WDR44: variants seen among roughly 807,000 people sequenced by gnomAD.
The protein encoded by WDR44 is WD repeat domain 44.
In WDR44, 9 loss-of-function variants were observed where a neutral mutation model predicts 65.7. That is an observed-to-expected ratio of 0.14 (90% CI 0.08 to 0.24). The LOEUF is 0.24. Ranked by LOEUF, WDR44 falls within the 10% of genes least tolerant of loss-of-function variation. The pLI is 1.00. For synonymous variants in WDR44, 220 were observed against 235.2 expected, an observed-to-expected ratio of 0.94 and a Z score of 0.59; for missense variants, 425 against 670.9, an observed-to-expected ratio of 0.63 and a Z score of 4.05.
chrX:118,349,690 T>G (rs1172314460), intron 1 of WDR44, among the ~76,000 whole-genome samples: 4 of 110,776 alleles, frequency 3.6e-5, no homozygotes, highest in African/African-American at 1.3e-4. Context: ...CCTGAGTAGC[T>G]GGGACTACAG....
At chrX:118,352,175 G>T (rs1388783696) in intron 1 of WDR44, among the ~76,000 whole-genome samples, 1 of 97,482 alleles carries the variant, frequency 1.0e-5, no homozygotes, top group Admixed American at 1.1e-4. Context: ...TTGAGACAGG[G>T]TCTCACTCTG....
chrX:118,441,848 C>G (rs1602979658), intron 15 of WDR44, among the ~76,000 whole-genome samples: 1 of 111,846 alleles, frequency 8.9e-6, no homozygotes, highest in Non-Finnish European at 1.9e-5. Flanking sequence ...TCAAGTGATT[C>G]TTGTGCCTCA....
chrX:118,375,451 G>C (rs868805970), intron 1 of WDR44, among the ~76,000 whole-genome samples: 1 of 107,176 alleles, frequency 9.3e-6, no homozygotes, highest in Middle Eastern at 4.8e-3. Context: ...GGAGGCTGAG[G>C]TGGGAGGATC....
chrX:118,408,430 C>T (rs2056986291), intron 10 of WDR44, among the ~76,000 whole-genome samples: 1 of 108,657 alleles, frequency 9.2e-6, no homozygotes, highest in Non-Finnish European at 1.9e-5. Context: ...CAGAGTCTCG[C>T]TCTGTCACCC....
chrX:118,376,117 T>G lies in WDR44; in HGVS notation c.78-2302T>G, dbSNP rs1406847423. On this transcript the variant is annotated intron_variant, in intron 1 of 19. Transcript: ENST00000254029. Reference sequence around the variant, plus strand: ...CATGCCTGGCTGGTTTATTTTTATTTTGTAGAGATGGGGTGTCACTATATT... The same window carrying G: ...CATGCCTGGCTGGTTTATTTTTATTGTGTAGAGATGGGGTGTCACTATATT... 2.7e-5 allele frequency among the ~76,000 whole-genome samples: 3 copies of G among 110,668 alleles called. No homozygotes were observed. In the East Asian group the frequency reaches 8.5e-4, roughly 31 times the overall value.
At chrX:118,429,942 C>T (rs957154983) in intron 12 of WDR44, among the ~76,000 whole-genome samples, 36 of 110,427 alleles carry the variant, frequency 3.3e-4, no homozygotes, top group Non-Finnish European at 5.7e-4. Flanking sequence ...CACGCCTGGC[C>T]GAATTACTGT....
chrX:118,387,427 C>T lies in WDR44; in HGVS notation c.186+13C>T. The T allele has an allele frequency of 8.9e-7, 1 of 1,129,496 alleles. No homozygotes were observed. Among genetic ancestry groups the T allele is most frequent in the Non-Finnish European group, 1.2e-6 (1 of 832,771 alleles). 93.1% of individuals were successfully genotyped at this position (1,129,496 alleles called of 1,213,427 possible). ...TGTGTCTAAAAAGGTTGGAAAGATA[C>T]AATGTCAATATTAGTTTATAGCAGA... On this transcript the variant is annotated intron_variant, in intron 3 of 19. Coordinates refer to ENST00000254029, the MANE Select transcript of WDR44 (RefSeq NM_019045.5).
At chrX:118,447,105 C>A in intron 19 of WDR44, 1 of 324,681 alleles carries the variant, frequency 3.1e-6, no homozygotes, top group South Asian at 2.7e-5. Flanking sequence ...GAACTTCTAG[C>A]CTCAAAAAGG....
rs1569362857 is a variant in WDR44, at chrX:118,378,736, T to TGTGTG, written c.111+285_111+286insTGTGG. 1.8e-3 allele frequency among the ~76,000 whole-genome samples: 111 copies of TGTGTG among 61,038 alleles called. 1 individual carries two copies. Among genetic ancestry groups the TGTGTG allele is most frequent in the African/African-American group, 0.015 (106 of 6,851 alleles). The allele number at this position is 61,038 out of a possible 115,157, so 53.0% of individuals were successfully genotyped here. A position where few individuals can be genotyped will look rare whatever the true frequency, so the allele number is the denominator to read the frequency against. On this transcript the variant is annotated intron_variant, in intron 2 of 19. Coordinates refer to ENST00000254029, the MANE Select transcript of WDR44 (RefSeq NM_019045.5). ...TGTGTGTGTGTGTGTGTGTGTGTGT[T>TGTGTG]GAAAAAGTGATACTTGGCCAGGCAT... is the stretch of plus-strand genomic sequence containing the variant.
intron 1 of WDR44, among the ~76,000 whole-genome samples, chrX:118,368,351 T>C (rs1439692799): frequency 9.3e-6 from 1 of 108,104 alleles, no homozygotes; most frequent in East Asian, 2.9e-4. Context: ...TATCTGTAGG[T>C]TATCGCTGAA....
chrX:118,447,325 A>G (rs1346305306), intron 19 of WDR44, among the ~76,000 whole-genome samples: 2 of 111,555 alleles, frequency 1.8e-5, no homozygotes, highest in African/African-American at 3.3e-5. Context: ...AATATACCAC[A>G]TTAACAAGGT....
chrX:118,364,415 C>T (rs1261551352), intron 1 of WDR44, among the ~76,000 whole-genome samples: 1 of 112,258 alleles, frequency 8.9e-6, no homozygotes, highest in East Asian at 2.8e-4. Context: ...ACTTAGGTGC[C>T]CCTCCTCTGT....
At chrX:118,387,052 C>T (rs1007285895) in intron 2 of WDR44, among the ~76,000 whole-genome samples, 10 of 108,724 alleles carry the variant, frequency 9.2e-5, no homozygotes, top group African/African-American at 2.0e-4. Context: ...TGTGGTGGCA[C>T]GCGCCTATAA....
At chrX:118,358,077 T>G (rs1048510688) in intron 1 of WDR44, among the ~76,000 whole-genome samples, 5 of 112,146 alleles carry the variant, frequency 4.5e-5, no homozygotes, top group African/African-American at 1.6e-4. Context: ...AAAAATGACT[T>G]AAAAGCATCT....
At chrX:118,380,267 C>T (rs955692671) in intron 2 of WDR44, among the ~76,000 whole-genome samples, 1 of 110,881 alleles carries the variant, frequency 9.0e-6, no homozygotes, top group Non-Finnish European at 1.9e-5. Flanking sequence ...TGGTGCAATG[C>T]GAGTGTATAG....
intron 7 of WDR44, among the ~76,000 whole-genome samples, chrX:118,397,942 T>A (rs1450747297): frequency 1.8e-5 from 2 of 112,292 alleles, no homozygotes; most frequent in Non-Finnish European, 3.8e-5. Context: ...ATCATTTAAA[T>A]TAAAATTATA....
chrX:118,394,999 A>G (rs1042115742), intron 5 of WDR44, among the ~76,000 whole-genome samples: 2 of 111,839 alleles, frequency 1.8e-5, no homozygotes, highest in Non-Finnish European at 3.8e-5. Context: ...CCTTTTGGCC[A>G]GGTTCAAATA....
intron 1 of WDR44, among the ~76,000 whole-genome samples, chrX:118,365,172 T>G (rs1979762400): frequency 8.9e-6 from 1 of 112,308 alleles, no homozygotes; most frequent in Non-Finnish European, 1.9e-5. Context: ...TAATTCAGCC[T>G]AAAAACACAG....
At chrX:118,366,561 G>A (rs1014282613) in intron 1 of WDR44, among the ~76,000 whole-genome samples, 6 of 111,466 alleles carry the variant, frequency 5.4e-5, no homozygotes, top group Admixed American at 9.6e-5. Flanking sequence ...CTGATTTATC[G>A]AAAGAGACAT....
Sources: gnomAD v4.1 joint callset for allele counts (sites outside exome capture counted in the v4.1 genomes callset) on GRCh38, gnomAD v4.1.1 for gene constraint, MANE v1.5 for transcripts, NCBI Gene and HGNC (gene_info 2026-07-23, HGNC 2026-07-21) for gene names.